The following CD4 variants were observed in gnomAD, a reference collection of about 807,000 sequenced individuals.
CD4 encodes CD4 molecule.
Under a neutral mutation model 50.5 loss-of-function variants are expected in CD4, and 25 were observed. That is an observed-to-expected ratio of 0.49 (90% CI 0.36 to 0.69). The LOEUF (loss-of-function observed/expected upper bound fraction) is 0.69, where lower values mean the gene tolerates loss of function less well. Ranked by LOEUF, CD4 falls within the 30% of genes least tolerant of loss-of-function variation. CD4 has a pLI of 0.00. For synonymous variants in CD4, 207 were observed against 221.9 expected (o/e 0.93, Z 0.60); for missense variants, 456 against 548.5 (o/e 0.83, Z 1.68).
At chr12:6,797,785 C>T (rs1016376109) in intron 1 of CD4, among the ~76,000 whole-genome samples, 6 of 152,174 alleles carry the variant, frequency 3.9e-5, no homozygotes, top group Admixed American at 6.5e-5. Context: ...GCAGTATTGC[C>T]GCCATGATGT....
At chr12:6,806,740 G>A (rs7957426) in intron 3 of CD4, among the ~76,000 whole-genome samples, 45,470 of 152,114 alleles carry the variant, frequency 0.3, 7,427 homozygotes, top group Non-Finnish European at 0.36. Context: ...AAACCTATCA[G>A]AATGGCTAAA....
chr12:6,814,862 G>A lies in CD4; in HGVS notation c.477G>A (p.Arg159=), dbSNP rs1555117632. 1 of 1,613,634 alleles carries A rather than the reference G, an allele frequency of 6.2e-7. No individual in the cohort carries two copies. The highest frequency in any genetic ancestry group is 8.5e-7 in the Non-Finnish European group (1 of 1,179,756). The part of the protein sequence containing the change: ...SSPSVQCRSP[R]GKNIQGGKTL... ...CCTCAGTGCAATGTAGGAGTCCAAG[G>A]GGTAAAAACATACAGGGGGGGAAGA... The change falls in exon 5 of 10, where the codon AGG becomes AGA. Residue 159 remains arginine, a synonymous_variant. Transcript: ENST00000011653.
intron 3 of CD4, among the ~76,000 whole-genome samples, chr12:6,803,372 C>T (rs1347352716): frequency 6.6e-6 from 1 of 150,900 alleles, no homozygotes; most frequent in Non-Finnish European, 1.5e-5. Context: ...TGGTCTGGAA[C>T]TTCTACCCTC....
Position 6,820,630 on chromosome 12 carries a change from C to T in CD4, c.*1301C>T, listed in dbSNP as rs1943243606. 1 of 152,420 alleles carries T rather than the reference C, an allele frequency of 6.6e-6. No homozygotes were observed. Among genetic ancestry groups the T allele is most frequent in the Admixed American group, 6.5e-5 (1 of 15,274 alleles). The allele number at this position is 152,420 out of a possible 1,614,324, so 9.4% of individuals were successfully genotyped here. A position where few individuals can be genotyped will look rare whatever the true frequency, so the allele number is the denominator to read the frequency against. ...TCTTCCTACCCTTCCTCACCACTTCCCTCAGTCCCAACTCCTTTTCCCTAT... is the reference window on the plus strand; with the variant it reads ...TCTTCCTACCCTTCCTCACCACTTCTCTCAGTCCCAACTCCTTTTCCCTAT... On this transcript the variant is annotated 3_prime_UTR_variant, in exon 10 of 10. Coordinates refer to ENST00000011653, the MANE Select transcript of CD4 (RefSeq NM_000616.5).
At chr12:6,814,508 A>G in intron 4 of CD4, 1 of 638,642 alleles carries the variant, frequency 1.6e-6, no homozygotes, top group Non-Finnish European at 2.7e-6. Flanking sequence ...CCTTGGGAAA[A>G]GGAAAGAAAA....
chr12:6,798,669 C>A (rs1260337552), intron 1 of CD4, among the ~76,000 whole-genome samples: 2 of 152,202 alleles, frequency 1.3e-5, no homozygotes, highest in Non-Finnish European at 2.9e-5. Flanking sequence ...ATCTCTCTTT[C>A]TTTTCCCCAT....
At chr12:6,810,380 G>A (rs1555116832) in intron 3 of CD4, among the ~76,000 whole-genome samples, 1 of 152,210 alleles carries the variant, frequency 6.6e-6, no homozygotes, top group Admixed American at 6.5e-5. Context: ...TAGGAGGAGG[G>A]TTATACATTT....
Position 6,796,823 on chromosome 12 carries a change from G to A in CD4, c.-67-3249G>A, listed in dbSNP as rs576967619. ...GATTGAACCACTGCACTCTGGCCTG[G>A]GTGACAGAGTGGATCTAAACTAAAA... On this transcript the variant is annotated intron_variant, in intron 1 of 9. Transcript: ENST00000011653. 3.3e-5 allele frequency among the ~76,000 whole-genome samples: 5 copies of A among 152,198 alleles called. No homozygotes were observed. The South Asian group carries it at 8.3e-4, about 25-fold the overall frequency.
chr12:6,799,487 TC>T (rs1555114829), intron 1 of CD4: 1 of 152,340 alleles, frequency 6.6e-6, no homozygotes, highest in Non-Finnish European at 1.5e-5. Context: ...CTATACGGGG[TC>T]ATTTTGAGGA....
chr12:6,803,511 G>A (rs986626877), intron 3 of CD4, among the ~76,000 whole-genome samples: 2 of 151,656 alleles, frequency 1.3e-5, no homozygotes, highest in African/African-American at 2.4e-5. Flanking sequence ...GGGGCCGGGC[G>A]TGGTGGCTCA....
intron 3 of CD4, among the ~76,000 whole-genome samples, chr12:6,811,837 C>A (rs1555117047): frequency 1.4e-5 from 2 of 144,544 alleles, no homozygotes; most frequent in Non-Finnish European, 1.5e-5. Flanking sequence ...TAAGATGAGG[C>A]CTCACTCTGT....
chr12:6,814,365 C>T lies in CD4; in HGVS notation c.373+65C>T, dbSNP rs28917501. The stretch of plus-strand genomic sequence containing the variant: ...GTTCCCTTCCCCACTACTCCCACCC[C>T]TGCACCAAATCCAGCCTGAGCTGGT... On this transcript the variant is annotated intron_variant, in intron 4 of 9. Transcript: ENST00000011653. 652 of 1,529,098 alleles carry T rather than the reference C, an allele frequency of 4.3e-4. 3 individuals are homozygous for T. In the East Asian group the frequency reaches 0.012, roughly 28 times the overall value. The allele number at this position is 1,529,098 out of a possible 1,614,324, so 94.7% of individuals were successfully genotyped here. A position where few individuals can be genotyped will look rare whatever the true frequency, so the allele number is the denominator to read the frequency against.
At chr12:6,814,073 C>A in intron 3 of CD4, 69 bp from the exon 4 acceptor site, 1 of 1,351,068 alleles carries the variant, frequency 7.4e-7, no homozygotes, top group Non-Finnish European at 1.0e-6. Flanking sequence ...GAGCCGTGGG[C>A]ATTCTCTTGC....
chr12:6,814,918 A>G lies in CD4; in HGVS notation c.533A>G (p.Asp178Gly). The change falls in exon 5 of 10, where the codon GAT becomes GGT. Residue 178 changes from aspartate to glycine, a missense_variant. By Grantham distance (94) the Asp-to-Gly change is moderately conservative. Transcript: ENST00000011653. ...TCCGTGTCTCAGCTGGAGCTCCAGG[A>G]TAGTGGCACCTGGACATGCACTGTC... The part of the protein sequence containing the change: ...TLSVSQLELQ[D>G]SGTWTCTVLQ... 1 of 1,613,608 alleles carries G rather than the reference A, an allele frequency of 6.2e-7. No homozygotes were observed. Among genetic ancestry groups the G allele is most frequent in the Non-Finnish European group, 8.5e-7 (1 of 1,179,670 alleles).
chr12:6,795,285 T>A (rs1942344797), intron 1 of CD4, among the ~76,000 whole-genome samples: 1 of 147,082 alleles, frequency 6.8e-6, no homozygotes, highest in Admixed American at 6.9e-5. Flanking sequence ...ATTTTATCTA[T>A]CTATCTATCT....
intron 5 of CD4, 29 bp downstream of exon 5, chr12:6,815,021 C>T (rs1446667764): frequency 2.0e-6 from 3 of 1,475,988 alleles, no homozygotes; most frequent in Non-Finnish European, 2.8e-6. Flanking sequence ...CGCGCAGTCT[C>T]CTCCCTGCCC....
chr12:6,800,241 G>T (rs1942501360), intron 2 of CD4, 54 bp downstream of exon 2: 1 of 1,612,670 alleles, frequency 6.2e-7, no homozygotes, highest in Non-Finnish European at 8.5e-7. Flanking sequence ...GAAAGGCAAA[G>T]GTGGAGGATG....
At chr12:6,805,581 A>G (rs1294981504) in intron 3 of CD4, among the ~76,000 whole-genome samples, 2 of 151,622 alleles carry the variant, frequency 1.3e-5, no homozygotes, top group African/African-American at 2.4e-5. Flanking sequence ...AAAAAAGAAA[A>G]AAGAAAGCAT....
rs1555117913 is a variant in CD4, at chr12:6,816,219, G to A, written c.771G>A (p.Lys257=). The A allele has an allele frequency of 1.2e-6, 2 of 1,614,190 alleles. No homozygotes were observed. The highest frequency in any genetic ancestry group is 1.7e-6 in the Non-Finnish European group (2 of 1,180,020). The change falls in exon 6 of 10, where the codon AAG becomes AAA. Residue 257 remains lysine, a synonymous_variant. Coordinates refer to ENST00000011653, the MANE Select transcript of CD4 (RefSeq NM_000616.5). The surrounding 1 kb of genome is among the most constrained non-coding windows in gnomAD (Gnocchi z 4.9). ...AGTCTTGGATCACCTTTGACCTGAAGAACAAGGAAGTGTCTGTAAAACGGG... is the reference window on the plus strand; with the variant it reads ...AGTCTTGGATCACCTTTGACCTGAAAAACAAGGAAGTGTCTGTAAAACGGG... The part of the protein sequence containing the change: ...SSKSWITFDL[K]NKEVSVKRVT...
Sources: gnomAD v4.1 joint callset for allele counts (sites outside exome capture counted in the v4.1 genomes callset) on GRCh38, gnomAD v4.1.1 for gene constraint, Gnocchi (gnomAD v3.1) non-coding constraint, MANE v1.5 for transcripts, NCBI Gene and HGNC (gene_info 2026-07-23, HGNC 2026-07-21) for gene names.